Variants in FAT1 observed in about 807,000 individuals in gnomAD.
FAT1 encodes protocadherin Fat 1.
Under a neutral mutation model 329.8 loss-of-function variants are expected in FAT1, and 171 were observed. The ratio of observed to expected loss-of-function variants is 0.52; its 90% CI spans 0.46 to 0.59. The LOEUF (loss-of-function observed/expected upper bound fraction) is 0.59. FAT1 is among the 20% of genes least tolerant of loss of function. The pLI, the probability that FAT1 is intolerant of heterozygous loss-of-function variation, is 0.00. For missense variants in FAT1, 5,672 were observed against 5,774.4 expected, an observed-to-expected ratio of 0.98 and a Z score of 0.57; for synonymous variants, 2,233 against 2,228.6, an observed-to-expected ratio of 1.00 and a Z score of -0.06.
At chr4:186,711,598 A>G (rs529126315) in intron 1 of FAT1, among the ~76,000 whole-genome samples, 17 of 152,278 alleles carry the variant, frequency 1.1e-4, no homozygotes, top group African/African-American at 4.1e-4. Flanking sequence ...CCCAATCCCA[A>G]GGGATTTACA....
In FAT1 at chr4:186,604,395, A is replaced by T. The variant is rs1738989010; in HGVS notation, c.10530T>A (p.His3510Gln). The T allele has an allele frequency of 6.2e-7, 1 of 1,613,382 alleles. No individual in the cohort carries two copies. Among genetic ancestry groups the T allele is most frequent in the Admixed American group, 1.7e-5 (1 of 59,930 alleles). The change falls in exon 18 of 27, where the codon CAT becomes CAA. Residue 3510 changes from histidine to glutamine, a missense_variant. This residue lies in a region of FAT1 where 1,706 missense variants were observed against 1,859.1 expected (regional missense o/e 0.92). Coordinates refer to ENST00000441802, the MANE Select transcript of FAT1 (RefSeq NM_005245.4). ...TTCATACCTTCACCTGCAGTAAGTA[A>T]TGATCTTTCTCCTTCCTCTTGATGG... ...SSAIKRKEKD[H>Q]YLLQVKVADN...
At chr4:186,644,385 T>C (rs1359111151) in intron 3 of FAT1, among the ~76,000 whole-genome samples, 1 of 152,202 alleles carries the variant, frequency 6.6e-6, no homozygotes, top group Non-Finnish European at 1.5e-5. Flanking sequence ...CAAGCACTGA[T>C]AATTAAAAAT....
intron 1 of FAT1, among the ~76,000 whole-genome samples, chr4:186,717,386 C>T (rs1745263275): frequency 6.6e-6 from 1 of 152,206 alleles, no homozygotes; most frequent in Non-Finnish European, 1.5e-5. Flanking sequence ...ATCACTTCTG[C>T]TAACTCCATT....
chr4:186,600,293 C>T lies in FAT1; in HGVS notation c.11708G>A (p.Ser3903Asn), dbSNP rs1485579697. 6.2e-7 allele frequency: 1 copy of T among 1,613,866 alleles called. No individual in the cohort carries two copies. The highest frequency in any genetic ancestry group is 1.7e-5 in the Admixed American group (1 of 60,014). ...GSGPGIVSVQSIQVNDGQWHA... is the reference protein window; with the variant it reads ...GSGPGIVSVQNIQVNDGQWHA... ...CCACTGCCCATCATTGACCTGAATG[C>T]TCTGAACAGAGACAATTCCAGGGCC... Residue 3903 changes from serine to asparagine, a missense_variant, in exon 22 of 27, where the codon AGC (serine) becomes AAC (asparagine). Ser to Asn is a conservative substitution (Grantham distance 46, BLOSUM62 1). Transcript: ENST00000441802.
intron 16 of FAT1, among the ~76,000 whole-genome samples, chr4:186,608,886 C>T (rs921603717): frequency 6.6e-6 from 1 of 152,180 alleles, no homozygotes; most frequent in Non-Finnish European, 1.5e-5. Context: ...TTTTCCAAAC[C>T]TCTGCTATTA....
Position 186,633,805 on chromosome 4 carries a change from T to TGAC in FAT1, c.4199_4201dup (p.Ser1400_His1401insArg), listed in dbSNP as rs1380379575. ...TCCAGTTCCCTTGTCCACATCGAAG[T>TGAC]GACTGTCGTAGTTGCCACCTAATTT... On this transcript the variant is annotated inframe_insertion, in exon 7 of 27. Coordinates refer to ENST00000441802, the MANE Select transcript of FAT1 (RefSeq NM_005245.4). 1.2e-6 allele frequency: 2 copies of TGAC among 1,613,858 alleles called. No individual in the cohort carries two copies. Among genetic ancestry groups the TGAC allele is most frequent in the Non-Finnish European group, 1.7e-6 (2 of 1,179,880 alleles).
intron 11 of FAT1, 97 bp downstream of exon 11, chr4:186,616,908 A>C: frequency 9.3e-7 from 1 of 1,077,710 alleles, no homozygotes; most frequent in South Asian, 1.5e-5. Context: ...ATCATAAAAC[A>C]CATGTGAATT....
At chr4:186,715,108 G>A (rs531445736) in intron 1 of FAT1, among the ~76,000 whole-genome samples, 8 of 151,106 alleles carry the variant, frequency 5.3e-5, no homozygotes, top group East Asian at 3.9e-4. Flanking sequence ...TTGCTGATGC[G>A]CCACGCTGCT....
intron 16 of FAT1, among the ~76,000 whole-genome samples, chr4:186,607,288 T>C (rs939036662): frequency 6.6e-6 from 1 of 152,176 alleles, no homozygotes; most frequent in Admixed American, 6.5e-5. Context: ...CTCTCTGAGG[T>C]AGTTCCTGCT....
rs1240672070 is a variant in FAT1, at chr4:186,620,609, T to C, written c.5977A>G (p.Thr1993Ala). ...VYSAVVKENS[T>A]EAETLAVITA... ...ATGACAGCTAATGTTTCGGCCTCGG[T>C]GGAATTCTCTTTCACTACCGCAGAG... The change falls in exon 10 of 27, where the codon ACC (threonine) becomes GCC (alanine). Residue 1993 changes from threonine to alanine, a missense_variant. By Grantham distance (58) the Thr-to-Ala change is moderately conservative. Transcript: ENST00000441802. The C allele has an allele frequency of 4.3e-6, 7 of 1,614,012 alleles. No individual in the cohort carries two copies. The highest frequency in any genetic ancestry group is 5.9e-6 in the Non-Finnish European group (7 of 1,179,884).
intron 5 of FAT1, 84 bp from the exon 6 acceptor site, chr4:186,636,319 C>T: frequency 4.6e-6 from 6 of 1,297,026 alleles, no homozygotes; most frequent in Non-Finnish European, 6.6e-6. Flanking sequence ...CTGGTTTGGT[C>T]TTAAACTGAG....
At chr4:186,646,606 G>A (rs990561277) in intron 3 of FAT1, among the ~76,000 whole-genome samples, 2 of 151,896 alleles carry the variant, frequency 1.3e-5, no homozygotes, top group African/African-American at 4.8e-5. Flanking sequence ...AATGCTGCCT[G>A]TCAAAACTAA....
At chr4:186,622,525 A>C (rs887773122) in intron 9 of FAT1, among the ~76,000 whole-genome samples, 1 of 152,206 alleles carries the variant, frequency 6.6e-6, no homozygotes, top group African/African-American at 2.4e-5. Context: ...TACACAACCA[A>C]AAATATCTGG....
chr4:186,631,817 T>C (rs924530084), intron 7 of FAT1, among the ~76,000 whole-genome samples: 2 of 148,986 alleles, frequency 1.3e-5, no homozygotes, highest in Admixed American at 1.3e-4. Flanking sequence ...CCATCCCCGC[T>C]GTATCCTGGT....
At chr4:186,682,241 T>C (rs1167480667) in intron 2 of FAT1, among the ~76,000 whole-genome samples, 1 of 152,110 alleles carries the variant, frequency 6.6e-6, no homozygotes. Context: ...AAGTTGTAAA[T>C]GTTAGCCGGG....
intron 16 of FAT1, 49 bp from the exon 17 acceptor site, chr4:186,606,262 G>A (rs374837612): frequency 1.1e-4 from 172 of 1,600,310 alleles, no homozygotes; most frequent in Non-Finnish European, 1.4e-4. Context: ...AAGGCCGACA[G>A]AGCTCCAATG....
rs1292626851 is a variant in FAT1 at position 186,595,788 on chromosome 4, G to A, written c.13039C>T (p.Pro4347Ser). ...VDLDPCLSKK[P>S]LEEKPSQPYS... ...GGCTGGGAAGGCTTTTCCTCTAGAG[G>A]CTTCTTGGAAAGACAGGGATCAAGA... The change falls in exon 26 of 27, where the codon CCT (proline) becomes TCT (serine). Residue 4347 changes from proline to serine, a missense_variant. This residue lies in a region of FAT1 where 1,706 missense variants were observed against 1,859.1 expected (regional missense o/e 0.92). Transcript: ENST00000441802. The A allele has an allele frequency of 1.9e-6, 3 of 1,613,860 alleles. No individual in the cohort carries two copies. In the African/African-American group the frequency reaches 4.0e-5, roughly 22 times the overall value.
chr4:186,649,304 T>G (rs1675919315), intron 3 of FAT1, among the ~76,000 whole-genome samples: 2 of 152,310 alleles, frequency 1.3e-5, no homozygotes, highest in South Asian at 2.1e-4. Context: ...AAGAGGAATC[T>G]AAATGGCTAT....
At chr4:186,593,606 G>T (rs748795069) in intron 26 of FAT1, among the ~76,000 whole-genome samples, 2 of 152,152 alleles carry the variant, frequency 1.3e-5, no homozygotes, top group African/African-American at 4.8e-5. Context: ...AGTTACGGCT[G>T]GGGGGAGCTC....
Sources: allele counts gnomAD v4.1 joint callset (sites outside exome capture counted in the v4.1 genomes callset), GRCh38; gene constraint gnomAD v4.1.1; regional missense constraint gnomAD v4.1.1; transcripts MANE v1.5; gene names NCBI Gene and HGNC (gene_info 2026-07-23, HGNC 2026-07-21).